KANK1: variants seen among roughly 807,000 people sequenced by gnomAD.
The protein encoded by KANK1 is KN motif and ankyrin repeat domain-containing protein 1.
A neutral mutation model predicts 106.2 loss-of-function variants in KANK1; 109 were observed. The ratio of observed to expected loss-of-function variants is 1.03; its 90% confidence interval spans 0.88 to 1.20. KANK1 has a LOEUF of 1.20. Ranked by LOEUF, KANK1 falls within the 50% of genes most tolerant of loss-of-function variation. The pLI, the probability that KANK1 is intolerant of heterozygous loss-of-function variation, is 0.00. For missense variants in KANK1, 2,399 were observed against 1,710.7 expected (o/e 1.40, Z -7.10); for synonymous variants, 873 against 652.2 (o/e 1.34, Z -5.16).
Position 584,736 on chromosome 9 carries a change from A to G in KANK1, c.-84+79982A>G, listed in dbSNP as rs181419994. 3.1e-4 allele frequency among the ~76,000 whole-genome samples: 47 copies of G among 152,346 alleles called. No individual in the cohort carries two copies. The East Asian group carries it at 9.1e-3, about 29-fold the overall frequency. On this transcript the variant is annotated intron_variant, in intron 1 of 11. Transcript: ENST00000382297. ...AAAAGGCGGGAAGGGTTTGCAGTCAACTGTCAGTTATCTTCAGCTTTCAGG... is the reference window on the plus strand; with the variant it reads ...AAAAGGCGGGAAGGGTTTGCAGTCAGCTGTCAGTTATCTTCAGCTTTCAGG...
chr9:649,314 C>A (rs1563924416), intron 1 of KANK1, among the ~76,000 whole-genome samples: 1 of 152,138 alleles, frequency 6.6e-6, no homozygotes, highest in Non-Finnish European at 1.5e-5. Flanking sequence ...GTCCCTACAT[C>A]CCATCTACTT....
chr9:560,812 A>G (rs566197437), intron 1 of KANK1, among the ~76,000 whole-genome samples: 8 of 152,226 alleles, frequency 5.3e-5, no homozygotes, highest in Middle Eastern at 3.4e-3. Flanking sequence ...GTTGAAGGCA[A>G]TCAACATGAA....
intron 1 of KANK1, among the ~76,000 whole-genome samples, chr9:512,025 C>CT (rs112677991): frequency 0.15 from 23,057 of 152,060 alleles, 3,394 homozygotes; most frequent in African/African-American, 0.39. Flanking sequence ...GCTCCCATGA[C>CT]TATTGCCTTA....
At chr9:559,320 C>T (rs1815750046) in intron 1 of KANK1, among the ~76,000 whole-genome samples, 2 of 151,960 alleles carry the variant, frequency 1.3e-5, no homozygotes, top group Admixed American at 6.6e-5. Flanking sequence ...ATTGTACAGT[C>T]AACACTGTCA....
intron 1 of KANK1, among the ~76,000 whole-genome samples, chr9:581,071 C>T (rs1822000573): frequency 6.6e-6 from 1 of 151,956 alleles, no homozygotes; most frequent in Non-Finnish European, 1.5e-5. Context: ...CCCGCCGAGC[C>T]CACACCTACC....
chr9:503,127 C>G (rs2058595568), upstream of KANK1, among the ~76,000 whole-genome samples: 1 of 150,900 alleles, frequency 6.6e-6, no homozygotes, highest in African/African-American at 2.4e-5. Context: ...GCCTGAGCCA[C>G]TGCGCCTGGC....
At chr9:553,613 G>C (rs2061406360) in intron 1 of KANK1, among the ~76,000 whole-genome samples, 1 of 152,148 alleles carries the variant, frequency 6.6e-6, no homozygotes, top group Non-Finnish European at 1.5e-5. Flanking sequence ...AAGTAAATGT[G>C]AGCAATGTAA....
chr9:507,970 G>GC (rs1224119837), intron 1 of KANK1, among the ~76,000 whole-genome samples: 1 of 151,700 alleles, frequency 6.6e-6, no homozygotes, highest in Non-Finnish European at 1.5e-5. Context: ...ACAGGCATGC[G>GC]CCCCCACACT....
intron 1 of KANK1, among the ~76,000 whole-genome samples, chr9:578,574 G>A (rs1821215027): frequency 6.6e-6 from 1 of 151,912 alleles, no homozygotes; most frequent in Non-Finnish European, 1.5e-5. Context: ...TCATAGTTTA[G>A]GAGTATATCT....
At chr9:656,364 A>G (rs914423700) in intron 1 of KANK1, among the ~76,000 whole-genome samples, 5 of 152,266 alleles carry the variant, frequency 3.3e-5, no homozygotes, top group East Asian at 1.9e-4. Context: ...TCAGCTGAAC[A>G]TGGCAGAAGT....
At chr9:477,903 G>T (rs564037733) in intron 3 of KANK1, 1 of 154,320 alleles carries the variant, frequency 6.5e-6, no homozygotes, top group African/African-American at 2.4e-5. Context: ...TACCTGCCAG[G>T]TGCCCTGGTG....
intron 1 of KANK1, among the ~76,000 whole-genome samples, chr9:675,807 A>T (rs1292853084): frequency 6.6e-6 from 1 of 152,232 alleles, no homozygotes; most frequent in African/African-American, 2.4e-5. Flanking sequence ...CCATAGGCAG[A>T]GCAGGAGCGT....
In KANK1 at chr9:598,626, T is replaced by C. The variant is rs13291597; in HGVS notation, c.-83-78264T>C. Among the ~76,000 whole-genome samples the C allele has an allele frequency of 1.6e-3, 152 of 94,516 alleles. 1 individual carries two copies. The highest frequency in any genetic ancestry group is 9.8e-3 in the African/African-American group (145 of 14,750). 62.0% of individuals were successfully genotyped at this position (94,516 alleles called of 152,430 possible). A position where few individuals can be genotyped will look rare whatever the true frequency, so the allele number is the denominator to read the frequency against. Reference sequence around the variant, plus strand: ...GTTTTGTTTTGTTGGTTTTCTTTTTTTTTTTTTTTTTTTTTTTTTTTTTTG... The same window carrying C: ...GTTTTGTTTTGTTGGTTTTCTTTTTCTTTTTTTTTTTTTTTTTTTTTTTTG... On this transcript the variant is annotated intron_variant, in intron 1 of 11. Coordinates refer to ENST00000382297, the MANE Select transcript of KANK1 (RefSeq NM_015158.5).
intron 1 of KANK1, among the ~76,000 whole-genome samples, chr9:583,187 T>A (rs1009785023): frequency 2.0e-5 from 3 of 152,170 alleles, no homozygotes; most frequent in African/African-American, 7.2e-5. Flanking sequence ...AATAATTCTG[T>A]TACCAAGTCT....
At chr9:733,821 A>T (rs1286835531) in intron 6 of KANK1, 1 of 152,144 alleles carries the variant, frequency 6.6e-6, no homozygotes, top group African/African-American at 2.4e-5. Flanking sequence ...TTTTTTAAAA[A>T]CTTAGAACAG....
chr9:534,749 A>G (rs993356141), intron 1 of KANK1, among the ~76,000 whole-genome samples: 4 of 152,214 alleles, frequency 2.6e-5, no homozygotes, highest in Non-Finnish European at 4.4e-5. Flanking sequence ...TCTTCCTCTG[A>G]TGGCTTCTCC....
At chr9:529,992 G>C (rs1232156113) in intron 1 of KANK1, among the ~76,000 whole-genome samples, 1 of 152,150 alleles carries the variant, frequency 6.6e-6, no homozygotes, top group Non-Finnish European at 1.5e-5. Flanking sequence ...GTAAAAAATG[G>C]TATCTCATCT....
At chr9:683,267 T>C (rs1269168636) in intron 2 of KANK1, among the ~76,000 whole-genome samples, 1 of 152,190 alleles carries the variant, frequency 6.6e-6, no homozygotes, top group Non-Finnish European at 1.5e-5. Context: ...AGGATTAAAA[T>C]GTGTGTTCTT....
At chr9:546,102 C>G (rs2060915344) in intron 1 of KANK1, among the ~76,000 whole-genome samples, 1 of 152,218 alleles carries the variant, frequency 6.6e-6, no homozygotes, top group East Asian at 1.9e-4. Flanking sequence ...TGGACACAGT[C>G]CCTGGCTTGG....
Sources: gnomAD v4.1 joint callset for allele counts (sites outside exome capture counted in the v4.1 genomes callset) on GRCh38, gnomAD v4.1.1 for gene constraint, MANE v1.5 for transcripts, NCBI Gene and HGNC (gene_info 2026-07-23, HGNC 2026-07-21) for gene names.